Variants in DNAH3 observed in about 807,000 individuals in gnomAD.
DNAH3 encodes the protein dynein axonemal heavy chain 3.
In DNAH3, 332 loss-of-function variants were observed where a neutral mutation model predicts 432.5. That is an observed-to-expected ratio of 0.77 (90% CI 0.70 to 0.84). The LOEUF is 0.84. Among genes scored for constraint, DNAH3 ranks in the 40% least tolerant of loss-of-function variants. DNAH3 has a pLI of 0.00. For missense variants in DNAH3, 4,861 were observed against 5,114.0 expected (o/e 0.95, Z 1.51); for synonymous variants, 1,956 against 1,900.2 (o/e 1.03, Z -0.76).
rs2091610928 is a variant in DNAH3, at chr16:21,094,075, TA to T, written c.2665+3279del. ...TTGATACGTTGGACGTCATCAAAGTTAAAACCTTTTTCTCTGTGAAAGACAC... is the reference window on the plus strand; with the variant it reads ...TTGATACGTTGGACGTCATCAAAGTTAAACCTTTTTCTCTGTGAAAGACAC... On this transcript the variant is annotated intron_variant, in intron 18 of 61. Coordinates refer to ENST00000261383, the Ensembl canonical transcript of DNAH3. Among the ~76,000 whole-genome samples the T allele has an allele frequency of 2.0e-5, 3 of 152,130 alleles. No individual in the cohort carries two copies. In the South Asian group the frequency reaches 6.2e-4, roughly 32 times the overall value.
intron 23 of DNAH3, among the ~76,000 whole-genome samples, chr16:21,068,990 T>C (rs1002438338): frequency 2.0e-5 from 3 of 151,944 alleles, no homozygotes; most frequent in African/African-American, 7.3e-5. Flanking sequence ...AGTGGCACGA[T>C]CCCAGGTCAC....
chr16:21,120,659 C>T (rs1489031562), intron 11 of DNAH3: 1 of 1,092,786 alleles, frequency 9.2e-7, no homozygotes, highest in Non-Finnish European at 1.4e-6. Context: ...TTGGTATTCA[C>T]ATAGGCCTTG....
At chr16:21,153,792 G>A (rs756379768) in intron 1 of DNAH3, among the ~76,000 whole-genome samples, 7 of 152,174 alleles carry the variant, frequency 4.6e-5, no homozygotes, top group Non-Finnish European at 8.8e-5. Context: ...CTTCATTCTT[G>A]AAGTCAGTGA....
intron 56 of DNAH3, among the ~76,000 whole-genome samples, chr16:20,951,841 T>G (rs1025978439): frequency 6.7e-6 from 1 of 149,924 alleles, no homozygotes; most frequent in African/African-American, 2.5e-5. Context: ...CCCCACTTCA[T>G]GCAATTCTCC....
intron 40 of DNAH3, among the ~76,000 whole-genome samples, chr16:21,020,116 G>T (rs1439745420): frequency 6.6e-6 from 1 of 150,442 alleles, no homozygotes; most frequent in East Asian, 2.0e-4. Flanking sequence ...AACCTCCCGG[G>T]CTCAAGTGAT....
At chr16:21,010,714 C>T (rs2087552380) in intron 41 of DNAH3, among the ~76,000 whole-genome samples, 1 of 151,910 alleles carries the variant, frequency 6.6e-6, no homozygotes, top group Non-Finnish European at 1.5e-5. Flanking sequence ...ATCATGGGCC[C>T]TCATGGACAG....
intron 41 of DNAH3, 32 bp downstream of exon 41, chr16:21,019,592 T>C (rs376413832): frequency 1.4e-5 from 23 of 1,612,328 alleles, no homozygotes; most frequent in South Asian, 1.3e-4. Context: ...CCAACTATTA[T>C]ACTAGAACAT....
chr16:21,125,278 A>G (rs2092424191), exon 9 of DNAH3: 2 of 1,613,666 alleles, frequency 1.2e-6, no homozygotes, highest in Admixed American at 1.7e-5. Flanking sequence ...ATATTCCTCA[A>G]TGTTTCGACT....
chr16:21,027,974 A>C (rs2152720534), intron 37 of DNAH3, among the ~76,000 whole-genome samples: 1 of 152,184 alleles, frequency 6.6e-6, no homozygotes, highest in African/African-American at 2.4e-5. Flanking sequence ...CCTTTCCATA[A>C]ATTCTTTTTA....
At chr16:21,023,103 G>A (rs1238396154) in intron 39 of DNAH3, among the ~76,000 whole-genome samples, 1 of 152,130 alleles carries the variant, frequency 6.6e-6, no homozygotes, top group African/African-American at 2.4e-5. Flanking sequence ...TAAGAAGTAG[G>A]AAGGCCATCA....
chr16:20,971,586 G>A (rs1267623060), intron 51 of DNAH3, among the ~76,000 whole-genome samples: 2 of 152,194 alleles, frequency 1.3e-5, no homozygotes, highest in African/African-American at 4.8e-5. Flanking sequence ...TGGGATGGCA[G>A]AGACTTGAGC....
intron 47 of DNAH3, 92 bp downstream of exon 47, chr16:20,987,213 C>A (rs1422221345): frequency 1.0e-4 from 155 of 1,505,086 alleles, no homozygotes; most frequent in South Asian, 1.2e-5. Context: ...AGCTGGCAGT[C>A]TCCAACAGGA....
chr16:21,062,425 G>T, intron 25 of DNAH3, 57 bp downstream of exon 25: 1 of 1,457,456 alleles, frequency 6.9e-7, no homozygotes, highest in Non-Finnish European at 9.6e-7. Context: ...TAGCCAATAC[G>T]CTCTCTGATT....
chr16:20,971,791 G>A (rs2085354360), intron 51 of DNAH3, among the ~76,000 whole-genome samples: 2 of 152,190 alleles, frequency 1.3e-5, no homozygotes, highest in African/African-American at 4.8e-5. Flanking sequence ...ACCCACATGT[G>A]GAAAGGGGCT....
chr16:20,982,900 G>A lies in DNAH3; in HGVS notation c.7680C>T (p.Ile2560=). Reference sequence around the variant, plus strand: ...TTGGACTCATGGCTAATGAAAAGGAGATTTTGTTAATTACCTTCCTCCAAG... The same window carrying A: ...TTGGACTCATGGCTAATGAAAAGGAAATTTTGTTAATTACCTTCCTCCAAG... Residue 2560 remains isoleucine, a synonymous_variant, in exon 49 of 62, where the codon ATC becomes ATT. Coordinates refer to ENST00000261383, the Ensembl canonical transcript of DNAH3. 6.2e-7 allele frequency: 1 copy of A among 1,613,594 alleles called. No individual in the cohort carries two copies.
chr16:21,141,593 T>C (rs190073342), intron 3 of DNAH3, among the ~76,000 whole-genome samples: 8 of 152,352 alleles, frequency 5.3e-5, no homozygotes, highest in African/African-American at 1.9e-4. Flanking sequence ...CTCAGCTTCC[T>C]CAACTGTAAA....
intron 52 of DNAH3, among the ~76,000 whole-genome samples, chr16:20,968,438 G>C (rs2085159416): frequency 6.6e-6 from 1 of 152,152 alleles, no homozygotes; most frequent in Non-Finnish European, 1.5e-5. Flanking sequence ...AGGACTGGAA[G>C]ACTCAAAAGG....
At chr16:21,032,219 C>T (rs2088918090) in intron 36 of DNAH3, among the ~76,000 whole-genome samples, 1 of 151,990 alleles carries the variant, frequency 6.6e-6, no homozygotes, top group Non-Finnish European at 1.5e-5. Context: ...CAGATCAGAA[C>T]CTTGGCTTTG....
chr16:21,154,611 T>G (rs1014792274), intron 1 of DNAH3, among the ~76,000 whole-genome samples: 1 of 152,218 alleles, frequency 6.6e-6, no homozygotes, highest in Non-Finnish European at 1.5e-5. Context: ...ACATCATGTC[T>G]TTGAATCTTC....
Sources: allele counts gnomAD v4.1 joint callset (sites outside exome capture counted in the v4.1 genomes callset), GRCh38; gene constraint gnomAD v4.1.1; transcripts MANE v1.5; gene names NCBI Gene and HGNC (gene_info 2026-07-23, HGNC 2026-07-21).